SHC4: variants seen among roughly 807,000 people sequenced by gnomAD.
SHC4 encodes the protein SHC adaptor protein 4, also known as SHC-transforming protein 4.
A neutral mutation model predicts 69.4 loss-of-function variants in SHC4; 41 were observed. The ratio of observed to expected loss-of-function variants is 0.59; its 90% CI spans 0.46 to 0.77. The LOEUF (loss-of-function observed/expected upper bound fraction) is 0.77, where lower values mean the gene tolerates loss of function less well. Among genes scored for constraint, SHC4 ranks in the 30% least tolerant of loss-of-function variants. SHC4 has a pLI of 0.00. For missense variants in SHC4, 777 were observed against 783.8 expected (o/e 0.99, Z 0.10); for synonymous variants, 318 against 299.3 (o/e 1.06, Z -0.64).
At chr15:48,954,365 G>A (rs1483684729) in intron 1 of SHC4, among the ~76,000 whole-genome samples, 4 of 152,182 alleles carry the variant, frequency 2.6e-5, no homozygotes, top group Non-Finnish European at 5.9e-5. Flanking sequence ...AATCACATAA[G>A]CAGTTTGCCA....
chr15:48,938,468 G>A (rs10851473), intron 1 of SHC4: 34,712 of 151,972 alleles, frequency 0.23, 4,119 homozygotes, highest in East Asian at 0.42. Context: ...CCTTTCTTTT[G>A]TATTGTGGGA....
At chr15:48,863,821 T>A (rs1318810261) in intron 6 of SHC4, among the ~76,000 whole-genome samples, 1 of 152,222 alleles carries the variant, frequency 6.6e-6, no homozygotes, top group East Asian at 1.9e-4. Context: ...CTTGCCATGT[T>A]CTTTTGTGTG....
chr15:48,902,679 T>A (rs1900338615), intron 2 of SHC4, among the ~76,000 whole-genome samples: 1 of 152,002 alleles, frequency 6.6e-6, no homozygotes, highest in Admixed American at 6.6e-5. Context: ...ACCTGACTGG[T>A]CAATATGGGG....
At chr15:48,855,801 T>C (rs1338753278) in intron 8 of SHC4, 152 bp downstream of exon 8, 2 of 744,088 alleles carry the variant, frequency 2.7e-6, no homozygotes, top group African/African-American at 1.8e-5. Context: ...AATGATCTAG[T>C]GTAGCCTCTG....
At chr15:48,907,285 C>T (rs149110797) in intron 2 of SHC4, among the ~76,000 whole-genome samples, 92 of 150,130 alleles carry the variant, frequency 6.1e-4, no homozygotes, top group African/African-American at 1.6e-3. Context: ...AGTGCAGTGG[C>T]GCTAGCTCGG....
intron 2 of SHC4, among the ~76,000 whole-genome samples, chr15:48,913,711 G>A (rs758146017): frequency 2.0e-5 from 3 of 152,060 alleles, no homozygotes; most frequent in Admixed American, 6.6e-5. Context: ...TCACCCTCCC[G>A]ATGGATCCCT....
chr15:48,877,352 G>T, intron 4 of SHC4: 2 of 749,050 alleles, frequency 2.7e-6, no homozygotes, highest in Non-Finnish European at 3.3e-6. Context: ...AATAATAATA[G>T]AAATAAAGTG....
intron 1 of SHC4, among the ~76,000 whole-genome samples, chr15:48,932,642 C>A (rs886383323): frequency 2.7e-4 from 41 of 152,198 alleles, no homozygotes; most frequent in Non-Finnish European, 1.0e-4. Context: ...ACCTACTCAT[C>A]ATTCACAAGG....
intron 4 of SHC4, chr15:48,877,891 C>T (rs1899844076): frequency 3.2e-6 from 1 of 317,374 alleles, no homozygotes; most frequent in Admixed American, 4.5e-5. Context: ...TTACAAGCAG[C>T]AGTAGGGTTA....
rs1442551007 is a variant in SHC4, at chr15:48,825,943, A to G, written c.*28T>C. On this transcript the variant is annotated 3_prime_UTR_variant, in exon 12 of 12. Coordinates refer to ENST00000332408, the MANE Select transcript of SHC4 (RefSeq NM_203349.4). ...CTAATACAAAATGGGGTTTCTTGAAATATCAGTGTGATGGTGCTTCAATAC... is the reference window on the plus strand; with the variant it reads ...CTAATACAAAATGGGGTTTCTTGAAGTATCAGTGTGATGGTGCTTCAATAC... 1 of 1,598,844 alleles carries G rather than the reference A, an allele frequency of 6.3e-7. No homozygotes were observed. The highest frequency in any genetic ancestry group is 2.2e-5 in the East Asian group (1 of 44,684).
At chr15:48,841,263 A>G (rs1326685301) in intron 10 of SHC4, among the ~76,000 whole-genome samples, 1 of 152,248 alleles carries the variant, frequency 6.6e-6, no homozygotes, top group East Asian at 1.9e-4. Flanking sequence ...ATAAAATCTA[A>G]GGTCCAGAAA....
intron 4 of SHC4, among the ~76,000 whole-genome samples, chr15:48,881,785 A>G (rs941470190): frequency 6.6e-6 from 1 of 152,180 alleles, no homozygotes; most frequent in Non-Finnish European, 1.5e-5. Flanking sequence ...AAATACCTAT[A>G]ACTTACCCTT....
intron 1 of SHC4, among the ~76,000 whole-genome samples, chr15:48,945,620 A>G (rs1301985373): frequency 1.3e-5 from 2 of 152,216 alleles, no homozygotes; most frequent in Non-Finnish European, 2.9e-5. Flanking sequence ...GACACAAAAG[A>G]CCACATATTA....
At chr15:48,961,912 G>A (rs1015394107) in intron 1 of SHC4, among the ~76,000 whole-genome samples, 2 of 152,194 alleles carry the variant, frequency 1.3e-5, no homozygotes, top group African/African-American at 4.8e-5. Context: ...CACAAGGTTA[G>A]AGACTCGGAC....
At chr15:48,930,222 T>A (rs952440125) in intron 1 of SHC4, among the ~76,000 whole-genome samples, 1 of 152,268 alleles carries the variant, frequency 6.6e-6, no homozygotes, top group Non-Finnish European at 1.5e-5. Flanking sequence ...TTTTACTTTA[T>A]ACTTTTGTAC....
At chr15:48,919,295 A>ATTTTTTTT (rs386382928) in intron 2 of SHC4, among the ~76,000 whole-genome samples, 843 of 71,198 alleles carry the variant, frequency 0.012, 147 homozygotes, top group Middle Eastern at 0.052. Context: ...ATTTATTTTA[A>ATTTTTTTT]TTTTTTTTTT....
At chr15:48,878,001 G>GA (rs1323024029) in intron 4 of SHC4, 1 of 690,922 alleles carries the variant, frequency 1.4e-6, no homozygotes, top group African/African-American at 1.8e-5. Flanking sequence ...ACACCCCGGA[G>GA]AAAACACTGA....
chr15:48,949,038 G>A (rs1001943612), intron 1 of SHC4, among the ~76,000 whole-genome samples: 6 of 151,984 alleles, frequency 3.9e-5, no homozygotes, highest in African/African-American at 1.2e-4. Context: ...TCTTCCACTG[G>A]CATCTCTCCC....
chr15:48,961,129 T>C (rs1901539006), intron 1 of SHC4, among the ~76,000 whole-genome samples: 1 of 152,342 alleles, frequency 6.6e-6, no homozygotes, highest in East Asian at 1.9e-4. Context: ...CATTGCCTCA[T>C]ACCTAAACTC....
Sources: gnomAD v4.1 joint callset for allele counts (sites outside exome capture counted in the v4.1 genomes callset) on GRCh38, gnomAD v4.1.1 for gene constraint, MANE v1.5 for transcripts, NCBI Gene and HGNC (gene_info 2026-07-23, HGNC 2026-07-21) for gene names.